ADAM19: variants seen among roughly 807,000 people sequenced by gnomAD.
The protein encoded by ADAM19 is disintegrin and metalloproteinase domain-containing protein 19.
In ADAM19, 65 loss-of-function variants were observed where a neutral mutation model predicts 114.7. That is an observed-to-expected ratio of 0.57 (90% CI 0.46 to 0.70). The LOEUF is 0.70. ADAM19 is among the 30% of genes least tolerant of loss of function. The probability of loss-of-function intolerance (pLI) is 0.00; values close to 1 mark genes in which losing one functional copy is unlikely to be tolerated. For missense variants in ADAM19, 1,063 were observed against 1,204.7 expected (o/e 0.88, Z 1.74); for synonymous variants, 466 against 460.5 (o/e 1.01, Z -0.15).
Position 157,477,666 on chromosome 5 carries a change from C to T in ADAM19, c.*3283G>A. On this transcript the variant is annotated 3_prime_UTR_variant, in exon 23 of 23. Coordinates refer to ENST00000257527, the MANE Select transcript of ADAM19 (RefSeq NM_033274.5). ...TTGGGTGTCCAGCAGAGCTGTTATA[C>T]ACGTGGTTAACACAATTACTGACTT... is the stretch of plus-strand genomic sequence containing the variant. 1 of 1,289,684 alleles carries T rather than the reference C, an allele frequency of 7.8e-7. No individual in the cohort carries two copies. Among genetic ancestry groups the T allele is most frequent in the Non-Finnish European group, 1.0e-6 (1 of 988,766 alleles). The allele number at this position is 1,289,684 out of a possible 1,614,324, so 79.9% of individuals were successfully genotyped here. A position where few individuals can be genotyped will look rare whatever the true frequency, so the allele number is the denominator to read the frequency against.
intron 1 of ADAM19, chr5:157,572,204 G>GC (rs1420002173): frequency 2.3e-6 from 1 of 435,894 alleles, no homozygotes; most frequent in African/African-American, 2.0e-5. Flanking sequence ...TCCTGCCTCA[G>GC]CCTCCCGAGT....
rs1386438940 is a variant in ADAM19, at chr5:157,494,743, G to A, written c.1647C>T (p.Asp549=). 1 of 1,613,954 alleles carries A rather than the reference G, an allele frequency of 6.2e-7. No homozygotes were observed. Among genetic ancestry groups the A allele is most frequent in the Non-Finnish European group, 8.5e-7 (1 of 1,179,864 alleles). Residue 549 remains aspartate, a synonymous_variant, in exon 15 of 23, where the codon GAC becomes GAT. Coordinates refer to ENST00000257527, the MANE Select transcript of ADAM19 (RefSeq NM_033274.5). ...LCFEKVNVAG[D]TFGNCGKDMN... ...TGTCCTTTCCACAGTTTCCAAAGGTGTCTCCTGCCACATTCACCTTCTCGA... is the reference window on the plus strand; with the variant it reads ...TGTCCTTTCCACAGTTTCCAAAGGTATCTCCTGCCACATTCACCTTCTCGA...
Position 157,494,789 on chromosome 5 carries a change from C to A in ADAM19, c.1601G>T (p.Arg534Leu). The A allele has an allele frequency of 6.2e-7, 1 of 1,613,420 alleles. No individual in the cohort carries two copies. Among genetic ancestry groups the A allele is most frequent in the South Asian group, 1.1e-5 (1 of 91,020 alleles). Residue 534 changes from arginine (R) to leucine (L), a missense_variant, in exon 15 of 23, where the codon CGA (arginine) becomes CTA (leucine). Coordinates refer to ENST00000257527, the MANE Select transcript of ADAM19 (RefSeq NM_033274.5). ...CTCGAAGCAGAGGTCAGGGGCAGGT[C>A]GGGCTCCTGGGTGGGCAAGCAACAT... ...QCQQLWGPGA[R>L]PAPDLCFEKV...
intron 12 of ADAM19, among the ~76,000 whole-genome samples, chr5:157,501,715 G>T (rs1393566719): frequency 1.3e-5 from 2 of 152,080 alleles, no homozygotes; most frequent in African/African-American, 4.8e-5. Context: ...GTTTTATTCT[G>T]AAAGTGACAT....
At chr5:157,572,684 T>C (rs1231139653) in intron 1 of ADAM19, among the ~76,000 whole-genome samples, 3 of 152,318 alleles carry the variant, frequency 2.0e-5, no homozygotes, top group Non-Finnish European at 1.5e-5. Flanking sequence ...ATCAAATATT[T>C]TCTGAGTACT....
At chr5:157,494,881 A>C (rs1481787677) in intron 14 of ADAM19, 86 bp from the exon 15 acceptor site, 1 of 1,089,054 alleles carries the variant, frequency 9.2e-7, no homozygotes, top group Non-Finnish European at 1.4e-6. Context: ...TCATGAAGGT[A>C]AGAATATTTT....
chr5:157,518,596 C>A (rs554030360), intron 7 of ADAM19, among the ~76,000 whole-genome samples: 12 of 152,318 alleles, frequency 7.9e-5, no homozygotes, highest in East Asian at 1.9e-4. Flanking sequence ...GTTGGCCAGG[C>A]TGGTCTCAAA....
chr5:157,550,766 G>C (rs1757172517), intron 3 of ADAM19, among the ~76,000 whole-genome samples: 2 of 152,046 alleles, frequency 1.3e-5, no homozygotes, highest in Non-Finnish European at 2.9e-5. Flanking sequence ...GTGTGTTTGG[G>C]AAAACAGGAT....
At chr5:157,557,075 G>A (rs529105147) in intron 3 of ADAM19, among the ~76,000 whole-genome samples, 3 of 151,974 alleles carry the variant, frequency 2.0e-5, no homozygotes, top group Non-Finnish European at 4.4e-5. Flanking sequence ...TGTTTGTTTG[G>A]TTGGTTGGTT....
At chr5:157,497,427 C>G (rs1755399366) in intron 13 of ADAM19, among the ~76,000 whole-genome samples, 1 of 152,162 alleles carries the variant, frequency 6.6e-6, no homozygotes, top group South Asian at 2.1e-4. Flanking sequence ...GTGTCCAGTA[C>G]AAATATGACT....
intron 9 of ADAM19, 138 bp from the exon 10 acceptor site, chr5:157,507,278 G>T: frequency 1.3e-6 from 1 of 741,600 alleles, no homozygotes; most frequent in Non-Finnish European, 2.3e-6. Context: ...AGAGGCCCTT[G>T]TAACCAGGCC....
At chr5:157,521,925 G>A (rs919228416) in intron 5 of ADAM19, among the ~76,000 whole-genome samples, 1 of 152,234 alleles carries the variant, frequency 6.6e-6, no homozygotes, top group Non-Finnish European at 1.5e-5. Flanking sequence ...TGTGCACCAG[G>A]TTGTGGTTGC....
intron 4 of ADAM19, among the ~76,000 whole-genome samples, chr5:157,533,268 C>A (rs1374018808): frequency 2.6e-5 from 4 of 152,208 alleles, no homozygotes; most frequent in Non-Finnish European, 5.9e-5. Flanking sequence ...ACAGAGCCAA[C>A]CCCTGTCTTT....
chr5:157,527,915 G>A (rs908572673), intron 5 of ADAM19, among the ~76,000 whole-genome samples: 1 of 151,960 alleles, frequency 6.6e-6, no homozygotes, highest in African/African-American at 2.4e-5. Flanking sequence ...AGAAGAGGGG[G>A]CCTAGCAACC....
chr5:157,490,387 G>A lies in ADAM19; in HGVS notation c.2163C>T (p.Tyr721=). The A allele has an allele frequency of 1.2e-6, 2 of 1,614,072 alleles. No homozygotes were observed. Among genetic ancestry groups the A allele is most frequent in the Non-Finnish European group, 1.7e-6 (2 of 1,180,028 alleles). ...GTTTGTTGTTCTGTCTGCAGCAGTA[G>A]TACATCAGCATGAGGACCGCCAGCA... ...ILVLAVLMLM[Y]YCCRQNNKLG... is the part of the protein sequence containing the mutation. Residue 721 remains tyrosine (Y), a synonymous_variant, in exon 19 of 23, where the codon TAC becomes TAT. Transcript: ENST00000257527.
chr5:157,506,335 C>G (rs1755741937), intron 10 of ADAM19, among the ~76,000 whole-genome samples: 1 of 152,224 alleles, frequency 6.6e-6, no homozygotes, highest in African/African-American at 2.4e-5. Context: ...AAGAGATTTA[C>G]TAAACATGGA....
chr5:157,570,297 A>C (rs1757786632), intron 2 of ADAM19: 2 of 146,940 alleles, frequency 1.4e-5, no homozygotes, highest in Admixed American at 1.4e-4. Context: ...ACAAAAAAAC[A>C]AAAAACAAAA....
At chr5:157,521,059 G>A (rs1270948789) in intron 5 of ADAM19, among the ~76,000 whole-genome samples, 3 of 152,200 alleles carry the variant, frequency 2.0e-5, no homozygotes, top group Admixed American at 2.0e-4. Context: ...TCACTCTAAT[G>A]TATAACAGAG....
chr5:157,530,957 C>T, intron 4 of ADAM19, 74 bp from the exon 5 acceptor site: 1 of 1,295,488 alleles, frequency 7.7e-7, no homozygotes, highest in Non-Finnish European at 1.1e-6. Flanking sequence ...TCAGGATGGT[C>T]ATGGATGACT....
Sources: gnomAD v4.1 joint callset for allele counts (sites outside exome capture counted in the v4.1 genomes callset) on GRCh38, gnomAD v4.1.1 for gene constraint, MANE v1.5 for transcripts, NCBI Gene and HGNC (gene_info 2026-07-23, HGNC 2026-07-21) for gene names.